DAB2IP: variants seen among roughly 807,000 people sequenced by gnomAD.
DAB2IP encodes the protein DAB2 interacting protein.
A neutral mutation model predicts 107.2 loss-of-function variants in DAB2IP; 28 were observed. The observed-to-expected ratio is 0.26, with a 90% CI of 0.19 to 0.36. The LOEUF is 0.36. Among genes scored for constraint, DAB2IP ranks in the 10% least tolerant of loss-of-function variants. The pLI, the probability that DAB2IP is intolerant of heterozygous loss-of-function variation, is 1.00. For missense variants in DAB2IP, 1,400 were observed against 1,644.7 expected (o/e 0.85, Z 2.57); for synonymous variants, 755 against 706.4 (o/e 1.07, Z -1.09).
chr9:121,740,503 G>A lies in DAB2IP; in HGVS notation c.363-16510G>A, dbSNP rs1358744548. Among the ~76,000 whole-genome samples, 3 of 152,144 alleles carry A rather than the reference G, an allele frequency of 2.0e-5. No homozygotes were observed. The South Asian group carries it at 6.2e-4, about 32-fold the overall frequency. ...AGAGCTAGACTTCCTTTACACCAAGGGTATTTCTCTGGAAGGCTCCTTTAT... is the reference window on the plus strand; with the variant it reads ...AGAGCTAGACTTCCTTTACACCAAGAGTATTTCTCTGGAAGGCTCCTTTAT... On this transcript the variant is annotated intron_variant, in intron 3 of 15. Coordinates refer to ENST00000408936, the Ensembl canonical transcript of DAB2IP.
At chr9:121,756,916 T>C (rs1589651356) in intron 3 of DAB2IP, 97 bp from the exon 4 acceptor site, 1 of 1,540,970 alleles carries the variant, frequency 6.5e-7, no homozygotes, top group East Asian at 2.2e-5. Context: ...AGTGGCTGCC[T>C]GCTGGAAGGG....
At chr9:121,616,555 A>G (rs1831286812) in intron 1 of DAB2IP, among the ~76,000 whole-genome samples, 1 of 152,234 alleles carries the variant, frequency 6.6e-6, no homozygotes, top group Non-Finnish European at 1.5e-5. Flanking sequence ...GTGACTAAAA[A>G]GAATGTATTT....
rs995828764 is a variant in DAB2IP, at chr9:121,772,900, C to T, written c.2372C>T (p.Pro791Leu). The T allele has an allele frequency of 1.9e-6, 3 of 1,574,398 alleles. No individual in the cohort carries two copies. Among genetic ancestry groups the T allele is most frequent in the Non-Finnish European group, 2.6e-6 (3 of 1,164,056 alleles). ...GCCGGGTGGCCGGCCCGGGCAACCCCAGTGAACCTGGCAGGGCTGGCCACG... is the reference window on the plus strand; with the variant it reads ...GCCGGGTGGCCGGCCCGGGCAACCCTAGTGAACCTGGCAGGGCTGGCCACG... Residue 791 changes from proline to leucine, a missense_variant, in exon 12 of 16, where the codon CCA (proline) becomes CTA (leucine). Pro to Leu is a moderately conservative substitution (Grantham distance 98). Around this residue, in one of 3 missense-constraint regions of DAB2IP, gnomAD observed 600 missense variants for 659.1 expected, o/e 0.91. Transcript: ENST00000408936. This position sits in a 1 kb window ranked among gnomAD's most constrained non-coding sequence, Gnocchi z 4.7.
intron 1 of DAB2IP, among the ~76,000 whole-genome samples, chr9:121,574,306 C>T (rs1392157000): frequency 2.6e-5 from 4 of 152,092 alleles, no homozygotes; most frequent in East Asian, 1.9e-4. Flanking sequence ...GGGCTCTCAT[C>T]GAGCCTCCAT....
In DAB2IP at chr9:121,698,060, G is replaced by A. The variant is rs544471933; in HGVS notation, c.229-1265G>A. On this transcript the variant is annotated intron_variant, in intron 2 of 15. Transcript: ENST00000408936. This position sits in a 1 kb window ranked among gnomAD's most constrained non-coding sequence, Gnocchi z 4.1. Reference sequence around the variant, plus strand: ...GATGGACAGATACAGCCCAGGGCCTGTGCCAAACATCCACTGCTCCTCTTG... The same window carrying A: ...GATGGACAGATACAGCCCAGGGCCTATGCCAAACATCCACTGCTCCTCTTG... Among the ~76,000 whole-genome samples the A allele has an allele frequency of 4.6e-5, 7 of 152,216 alleles. No homozygotes were observed. Among genetic ancestry groups the A allele is most frequent in the Non-Finnish European group, 1.5e-5 (1 of 68,038 alleles).
At chr9:121,780,531 T>C (rs115383600) in intron 14 of DAB2IP, among the ~76,000 whole-genome samples, 2,488 of 152,152 alleles carry the variant, frequency 0.016, 92 homozygotes, top group African/African-American at 0.056. Flanking sequence ...GAGAGAAGCC[T>C]TGGGAGTGGA....
rs1482639775 is a variant in DAB2IP, at chr9:121,681,285, G to A, written c.228+2504G>A. On this transcript the variant is annotated intron_variant, in intron 2 of 15. Coordinates refer to ENST00000408936, the Ensembl canonical transcript of DAB2IP. ...ACCCCCCCAGAACCCCATCAGCATC[G>A]CTTTTCCGGCTATTTCCCTTTCTGA... 2.0e-5 allele frequency among the ~76,000 whole-genome samples: 3 copies of A among 152,216 alleles called. No homozygotes were observed. The East Asian group carries it at 5.8e-4, about 29-fold the overall frequency.
Position 121,633,721 on chromosome 9 carries a change from C to T in DAB2IP, c.41-44957C>T, listed in dbSNP as rs1209635752. ...GCCACAGGAGCTGGCCTGGATGTGC[C>T]TCATTCTGGACCGTTGTGGGAGATT... On this transcript the variant is annotated intron_variant, in intron 1 of 16. Transcript: ENST00000259371. This position sits in a 1 kb window ranked among gnomAD's most constrained non-coding sequence, Gnocchi z 5.1. Among the ~76,000 whole-genome samples the T allele has an allele frequency of 2.0e-5, 3 of 152,178 alleles. No homozygotes were observed. The highest frequency in any genetic ancestry group is 7.2e-5 in the African/African-American group (3 of 41,438).
chr9:121,678,838 G>A (rs888179394), intron 2 of DAB2IP, 57 bp downstream of exon 2: 23 of 1,469,802 alleles, frequency 1.6e-5, no homozygotes, highest in East Asian at 8.0e-5. Context: ...CACCTCGCCC[G>A]GGGTGCTGCT....
chr9:121,695,127 C>T (rs1321115616), intron 2 of DAB2IP, among the ~76,000 whole-genome samples: 5 of 150,764 alleles, frequency 3.3e-5, no homozygotes, highest in African/African-American at 1.2e-4. Context: ...AGTGAGGTTG[C>T]TTTAGGAAAA....
chr9:121,631,669 A>T (rs1255461748), intron 1 of DAB2IP, among the ~76,000 whole-genome samples: 1 of 152,010 alleles, frequency 6.6e-6, no homozygotes, highest in African/African-American at 2.4e-5. Context: ...TACAACAATT[A>T]GCTGGGCGTG....
intron 3 of DAB2IP, among the ~76,000 whole-genome samples, chr9:121,748,927 T>G (rs1275756054): frequency 6.6e-6 from 1 of 152,138 alleles, no homozygotes; most frequent in African/African-American, 2.4e-5. Context: ...TCTGTGTGTA[T>G]GGGGGCGTCA....
chr9:121,774,591 C>A (rs1037142602), intron 13 of DAB2IP, among the ~76,000 whole-genome samples, 179 bp downstream of exon 13: 2 of 152,170 alleles, frequency 1.3e-5, no homozygotes, highest in African/African-American at 4.8e-5. Flanking sequence ...AGAAAAGCAA[C>A]AAGAGGGATG....
At chr9:121,646,681 G>C (rs1332413936), upstream of DAB2IP, among the ~76,000 whole-genome samples, 1 of 152,130 alleles carries the variant, frequency 6.6e-6, no homozygotes, top group Non-Finnish European at 1.5e-5. Context: ...CACCCATTGT[G>C]TGGGGCCTAG....
intron 1 of DAB2IP, among the ~76,000 whole-genome samples, chr9:121,600,331 A>C (rs1008426477): frequency 6.6e-6 from 1 of 152,300 alleles, no homozygotes; most frequent in South Asian, 2.1e-4. Flanking sequence ...GGGTCGTTGA[A>C]GTGAGGTCTC....
At position 121,782,540 on chromosome 9, in the gene DAB2IP, T is replaced by C. The variant is rs758707676; in HGVS notation, c.*42T>C. 1.9e-6 allele frequency: 3 copies of C among 1,601,016 alleles called. No individual in the cohort carries two copies. Among genetic ancestry groups the C allele is most frequent in the Admixed American group, 1.7e-5 (1 of 59,656 alleles). ...GGAAGCTACCCAAGGAGAGGGGGAC[T>C]ATGGTGGCCAAGGGCAGGGTCTCGG... is the stretch of plus-strand genomic sequence containing the variant. On this transcript the variant is annotated 3_prime_UTR_variant, in exon 16 of 16. Coordinates refer to ENST00000408936, the Ensembl canonical transcript of DAB2IP. The surrounding 1 kb of genome is among the most constrained non-coding windows in gnomAD (Gnocchi z 6.1).
chr9:121,750,637 G>A (rs1368670382), intron 3 of DAB2IP, among the ~76,000 whole-genome samples: 2 of 152,090 alleles, frequency 1.3e-5, no homozygotes, highest in African/African-American at 2.4e-5. Flanking sequence ...CTTATTTTCC[G>A]ACCAAACAAT....
chr9:121,762,382 G>T (rs1393343767), intron 6 of DAB2IP, among the ~76,000 whole-genome samples: 1 of 152,204 alleles, frequency 6.6e-6, no homozygotes, highest in Non-Finnish European at 1.5e-5. Context: ...CGGGGGAGAT[G>T]CACCTCTGAC....
At chr9:121,779,435 G>T (rs893120351) in intron 14 of DAB2IP, among the ~76,000 whole-genome samples, 2 of 152,190 alleles carry the variant, frequency 1.3e-5, no homozygotes, top group Non-Finnish European at 2.9e-5. Context: ...TTTTTGGTTG[G>T]ATGCCAGGCA....
Sources: gnomAD v4.1 joint callset for allele counts (sites outside exome capture counted in the v4.1 genomes callset) on GRCh38, gnomAD v4.1.1 for gene constraint, gnomAD v4.1.1 regional missense constraint, Gnocchi (gnomAD v3.1) non-coding constraint, MANE v1.5 for transcripts, NCBI Gene and HGNC (gene_info 2026-07-23, HGNC 2026-07-21) for gene names.